DCT: variants seen among roughly 807,000 people sequenced by gnomAD.
The protein encoded by DCT is L-dopachrome tautomerase.
DCT carries 47 observed loss-of-function variants against 53.0 expected under a neutral mutation model. The observed-to-expected ratio is 0.89, with a 90% CI of 0.70 to 1.13. The LOEUF is 1.13. Among genes scored for constraint, DCT ranks in the 50% most tolerant of loss-of-function variants. DCT has a pLI of 0.00. For missense variants in DCT, 669 were observed against 637.4 expected (o/e 1.05, Z -0.53); for synonymous variants, 244 against 237.0 (o/e 1.03, Z -0.27).
At chr13:94,461,862 C>A in intron 5 of DCT, 148 bp downstream of exon 5, 2 of 633,696 alleles carry the variant, frequency 3.2e-6, no homozygotes, top group Non-Finnish European at 5.4e-6. Context: ...TCACACCAAT[C>A]CCTTGCTAAC....
the DCT span, among the ~76,000 whole-genome samples, chr13:94,505,543 C>T: frequency 6.6e-6 from 1 of 152,194 alleles, no homozygotes; most frequent in Non-Finnish European, 1.5e-5. Flanking sequence ...ATCTGGTCAT[C>T]TGTTATCCTG....
At chr13:94,483,475 T>A (rs919291506), upstream of DCT, among the ~76,000 whole-genome samples, 79 of 151,044 alleles carry the variant, frequency 5.2e-4, no homozygotes, top group African/African-American at 1.9e-3. Context: ...ATATTCTCCA[T>A]TCCTTTTCAT....
intron 6 of DCT, among the ~76,000 whole-genome samples, chr13:94,454,396 G>A (rs1344281217): frequency 1.3e-5 from 2 of 152,024 alleles, no homozygotes; most frequent in African/African-American, 4.8e-5. Flanking sequence ...TTCTTTCTTG[G>A]CATTTAAATA....
At chr13:94,457,801 T>C (rs1181655976) in intron 6 of DCT, among the ~76,000 whole-genome samples, 1 of 152,140 alleles carries the variant, frequency 6.6e-6, no homozygotes, top group Non-Finnish European at 1.5e-5. Context: ...AGGAGCACTT[T>C]TGGGGATTGG....
At chr13:94,536,353 C>T in the DCT span, among the ~76,000 whole-genome samples, 1 of 152,218 alleles carries the variant, frequency 6.6e-6, no homozygotes, top group South Asian at 2.1e-4. Flanking sequence ...CCCAAACATG[C>T]CTGCTAAAGA....
the DCT span, among the ~76,000 whole-genome samples, chr13:94,499,919 G>T: frequency 6.6e-6 from 1 of 152,074 alleles, no homozygotes; most frequent in Non-Finnish European, 1.5e-5. Context: ...TATATTTAAG[G>T]CATACAATAG....
the DCT span, among the ~76,000 whole-genome samples, chr13:94,527,593 T>C: frequency 6.6e-6 from 1 of 152,102 alleles, no homozygotes; most frequent in African/African-American, 2.4e-5. Flanking sequence ...AGCATCAACA[T>C]CAAAGAAAAG....
chr13:94,514,627 G>A, the DCT span, among the ~76,000 whole-genome samples: 1 of 152,218 alleles, frequency 6.6e-6, no homozygotes, highest in African/African-American at 2.4e-5. Context: ...TGGGGAGCAC[G>A]TGGGCAAAGG....
At chr13:94,486,154 C>T in the DCT span, among the ~76,000 whole-genome samples, 4 of 152,196 alleles carry the variant, frequency 2.6e-5, no homozygotes, top group East Asian at 7.7e-4. Context: ...TTCACCATGT[C>T]GAGTTGTCAA....
At chr13:94,457,261 A>G (rs1883469571) in intron 6 of DCT, among the ~76,000 whole-genome samples, 1 of 152,212 alleles carries the variant, frequency 6.6e-6, no homozygotes, top group African/African-American at 2.4e-5. Context: ...CAATGTGACT[A>G]TACTTGGAGA....
the DCT span, among the ~76,000 whole-genome samples, chr13:94,549,362 C>T: frequency 6.6e-6 from 1 of 152,242 alleles, no homozygotes. Flanking sequence ...CGTCTCGCCA[C>T]CGCGGCCCGG....
chr13:94,467,004 T>C (rs951625832), intron 2 of DCT: 4 of 161,196 alleles, frequency 2.5e-5, no homozygotes, highest in African/African-American at 9.6e-5. Context: ...AATAGATCAT[T>C]AAGACCTAAA....
the DCT span, among the ~76,000 whole-genome samples, chr13:94,512,794 A>C: frequency 6.6e-6 from 1 of 152,326 alleles, no homozygotes; most frequent in African/African-American, 2.4e-5. Flanking sequence ...CAGGAGCTAG[A>C]AGAGAAACAC....
chr13:94,477,665 A>AG (rs1322527341), intron 1 of DCT, among the ~76,000 whole-genome samples: 1 of 151,932 alleles, frequency 6.6e-6, no homozygotes, highest in African/African-American at 2.4e-5. Context: ...AAAATTAAAA[A>AG]AAAAAATCGA....
At chr13:94,441,501 C>G (rs1022327919) in intron 7 of DCT, among the ~76,000 whole-genome samples, 1 of 152,082 alleles carries the variant, frequency 6.6e-6, no homozygotes, top group Non-Finnish European at 1.5e-5. Flanking sequence ...TACATTGTGC[C>G]CACCAAACAG....
the DCT span, among the ~76,000 whole-genome samples, chr13:94,524,181 A>G: frequency 6.6e-6 from 1 of 152,230 alleles, no homozygotes; most frequent in Admixed American, 6.5e-5. Context: ...GTAACAATAC[A>G]TTCTAGGTAG....
Position 94,438,637 on chromosome 13 carries a change from T to C in DCT, c.*1261A>G, listed in dbSNP as rs747207298. 2.2e-5 allele frequency: 10 copies of C among 455,878 alleles called. No individual in the cohort carries two copies. The highest frequency in any genetic ancestry group is 8.8e-6 in the Non-Finnish European group (2 of 226,772). 28.2% of individuals were successfully genotyped at this position (455,878 alleles called of 1,614,324 possible). A position where few individuals can be genotyped will look rare whatever the true frequency, so the allele number is the denominator to read the frequency against. On this transcript the variant is annotated 3_prime_UTR_variant, in exon 8 of 8. Coordinates refer to ENST00000377028, the MANE Select transcript of DCT (RefSeq NM_001922.5). ...AAACCAGATATGAGCAGATGAAATT[T>C]GCCTGGAAATCTCAAGAGCCATTAA...
chr13:94,494,866 AT>A, the DCT span, among the ~76,000 whole-genome samples: 3 of 152,110 alleles, frequency 2.0e-5, no homozygotes, highest in Non-Finnish European at 4.4e-5. Flanking sequence ...TGTTATGCAT[AT>A]TTTTTCATAT....
chr13:94,510,472 T>C, the DCT span, among the ~76,000 whole-genome samples: 5 of 152,184 alleles, frequency 3.3e-5, no homozygotes, highest in African/African-American at 1.2e-4. Context: ...TTTAAAAGAC[T>C]AGTATGAAGA....
Sources: gnomAD v4.1 joint callset for allele counts (sites outside exome capture counted in the v4.1 genomes callset) on GRCh38, gnomAD v4.1.1 for gene constraint, MANE v1.5 for transcripts, NCBI Gene and HGNC (gene_info 2026-07-23, HGNC 2026-07-21) for gene names.